Variants in TIMELESS observed in about 807,000 individuals in gnomAD.
The protein encoded by TIMELESS is protein timeless homolog.
Under a neutral mutation model 164.3 loss-of-function variants are expected in TIMELESS, and 124 were observed. The observed-to-expected ratio is 0.75, with a 90% CI of 0.65 to 0.88. The LOEUF (loss-of-function observed/expected upper bound fraction) is 0.88, where lower values mean the gene tolerates loss of function less well. Ranked by LOEUF, TIMELESS falls within the 40% of genes least tolerant of loss-of-function variation. The pLI, the probability that TIMELESS is intolerant of heterozygous loss-of-function variation, is 0.00. For synonymous variants in TIMELESS, 564 were observed against 563.4 expected, an observed-to-expected ratio of 1.00 and a Z score of -0.02; for missense variants, 1,422 against 1,491.4, an observed-to-expected ratio of 0.95 and a Z score of 0.77.
At position 56,424,770 on chromosome 12, in the gene TIMELESS, C is replaced by T. The variant is rs1006443730; in HGVS notation, c.1860G>A (p.Arg620=). ...GCAGGCAGGGTTCTTACCGAGCAGA[C>T]CTCAGGAGAGTCAGGGCCTGTGGGG... The part of the protein sequence containing the change: ...GQAPQALTLL[R]SAREVWPEGD... Residue 620 remains arginine (R), a synonymous_variant, in exon 15 of 29, where the codon AGG becomes AGA. Transcript: ENST00000553532. The T allele has an allele frequency of 2.5e-6, 4 of 1,613,954 alleles. No individual in the cohort carries two copies. The Admixed American group carries it at 5.0e-5, about 20-fold the overall frequency.
At chr12:56,421,632 G>A in intron 22 of TIMELESS, 95 bp downstream of exon 22, 1 of 1,532,814 alleles carries the variant, frequency 6.5e-7, no homozygotes, top group Non-Finnish European at 9.0e-7. Context: ...CAGAAGGGAT[G>A]GGAGAATCTT....
intron 13 of TIMELESS, among the ~76,000 whole-genome samples, chr12:56,426,349 A>G (rs1447975446): frequency 6.6e-6 from 1 of 151,830 alleles, no homozygotes; most frequent in African/African-American, 2.4e-5. Context: ...TTTAAGCTGT[A>G]GCAACTAGAG....
chr12:56,429,175 G>A (rs1160542373), intron 10 of TIMELESS, 75 bp from the exon 11 acceptor site: 13 of 1,315,442 alleles, frequency 9.9e-6, no homozygotes, highest in South Asian at 1.4e-5. Flanking sequence ...GTCCTATGAT[G>A]ATGGAATGGA....
rs1214937405 is a variant in TIMELESS, at chr12:56,422,184, TG to T, written c.2445del (p.Ser816ValfsTer38). 5.0e-6 allele frequency: 8 copies of T among 1,613,906 alleles called. No homozygotes were observed. The highest frequency in any genetic ancestry group is 8.5e-7 in the Non-Finnish European group (1 of 1,180,024). On this transcript the variant is annotated frameshift_variant, in exon 20 of 29. Coordinates refer to ENST00000553532, the MANE Select transcript of TIMELESS (RefSeq NM_003920.5). LOFTEE classifies it high-confidence loss of function. ...EGYGSLDDRSSSRRAPTWSPE... is the reference protein window; with the variant it reads ...EGYGSLDDRSXSRRAPTWSPE... ...GGGCTCCATGTAGGTGCTCTGCGAC[TG>T]GAAGACCTGAATGGTGAAAGGAGAA... is the stretch of plus-strand genomic sequence containing the variant.
intron 1 of TIMELESS, among the ~76,000 whole-genome samples, chr12:56,447,068 G>C (rs1208016991): frequency 6.7e-6 from 1 of 149,476 alleles, no homozygotes; most frequent in African/African-American, 2.5e-5. Flanking sequence ...GGAATGCAAT[G>C]GTGCAATCTC....
chr12:56,435,813 G>A (rs1882051045), intron 1 of TIMELESS, among the ~76,000 whole-genome samples: 1 of 152,034 alleles, frequency 6.6e-6, no homozygotes, highest in Non-Finnish European at 1.5e-5. Flanking sequence ...CAAAAAATTA[G>A]CCAGGCGCGA....
chr12:56,434,109 T>A lies in TIMELESS; in HGVS notation c.62A>T (p.Glu21Val). Residue 21 changes from glutamate to valine, a missense_variant, in exon 2 of 29, where the codon GAG (glutamate) becomes GTG (valine). Coordinates refer to ENST00000553532, the MANE Select transcript of TIMELESS (RefSeq NM_003920.5). ...TGGTTCCTTATGGTAAGTGTCTCCC[T>A]CCAAGTACCCAAGGGCACTACATGT... is the stretch of plus-strand genomic sequence containing the variant. ...LATCSALGYL[E>V]GDTYHKEPDC... 6.2e-7 allele frequency: 1 copy of A among 1,614,182 alleles called. No homozygotes were observed. Among genetic ancestry groups the A allele is most frequent in the South Asian group, 1.1e-5 (1 of 91,078 alleles).
At chr12:56,446,273 A>G (rs1300250472) in intron 1 of TIMELESS, among the ~76,000 whole-genome samples, 2 of 152,218 alleles carry the variant, frequency 1.3e-5, no homozygotes, top group African/African-American at 4.8e-5. Context: ...GAACACTTCA[A>G]TGGATACATA....
rs2136129614 is a variant in TIMELESS at position 56,418,255 on chromosome 12, C to T, written c.3333G>A (p.Leu1111=). The T allele has an allele frequency of 6.2e-7, 1 of 1,614,208 alleles. No homozygotes were observed. Among genetic ancestry groups the T allele is most frequent in the Non-Finnish European group, 8.5e-7 (1 of 1,180,036 alleles). The change falls in exon 27 of 29, where the codon CTG becomes CTA. Residue 1111 remains leucine, a synonymous_variant. Transcript: ENST00000553532. ...CTTGCTCTCCAGGGACTTTAGGCTG[C>T]AGCTCTGGCTGCAGCTTCTGTTCCT... The part of the protein sequence containing the change: ...PEEEQKLQPE[L]QPKVPGEQGS...
At chr12:56,440,038 T>C (rs1278302227) in intron 1 of TIMELESS, among the ~76,000 whole-genome samples, 3 of 151,552 alleles carry the variant, frequency 2.0e-5, no homozygotes, top group Admixed American at 6.6e-5. Context: ...GATGAAGCAA[T>C]ATGCATCTGA....
At chr12:56,420,496 T>G in intron 26 of TIMELESS, 73 bp downstream of exon 26, 1 of 1,172,850 alleles carries the variant, frequency 8.5e-7, no homozygotes. Flanking sequence ...ACCATGACAG[T>G]GAGGAGGAGG....
intron 10 of TIMELESS, among the ~76,000 whole-genome samples, 195 bp downstream of exon 10, chr12:56,429,910 A>G (rs1881815362): frequency 6.6e-6 from 1 of 151,678 alleles, no homozygotes; most frequent in Admixed American, 6.6e-5. Context: ...CTCTTTTGTC[A>G]TGCCAGGAGC....
At chr12:56,439,117 A>G (rs1024203813) in intron 1 of TIMELESS, among the ~76,000 whole-genome samples, 12 of 138,610 alleles carry the variant, frequency 8.7e-5, no homozygotes, top group African/African-American at 2.6e-4. Context: ...AGTGAGCCCA[A>G]ATCGTGCCAC....
At position 56,420,683 on chromosome 12, in the gene TIMELESS, G is replaced by A. The variant is rs1413220720; in HGVS notation, c.3114C>T (p.Cys1038=). The A allele has an allele frequency of 2.5e-6, 4 of 1,614,070 alleles. No individual in the cohort carries two copies. The highest frequency in any genetic ancestry group is 3.4e-6 in the Non-Finnish European group (4 of 1,180,034). ...GTGGCACCAATGGAACGGCCTGGGA[G>A]CAGCCTAAGACAGGGTCAATAGTCA... The part of the protein sequence containing the change: ...RAADDREEDG[C]SQAVPLVPLT... The change falls in exon 26 of 29, where the codon TGC becomes TGT. Residue 1038 remains cysteine, a synonymous_variant. Transcript: ENST00000553532.
rs756811743 is a variant in TIMELESS at position 56,433,909 on chromosome 12, T to A, written c.115A>T (p.Ile39Phe). 6.8e-6 allele frequency: 11 copies of A among 1,614,074 alleles called. No homozygotes were observed. The South Asian group carries it at 1.2e-4, about 18-fold the overall frequency. ...TCATCCTCATGCCTCAAATAGCGGA[T>A]CAGATCCTTCACGCTCTCTTCAGAG... ...PDCLESVKDL[I>F]RYLRHEDETR... The change falls in exon 3 of 29, where the codon ATC becomes TTC. Residue 39 changes from isoleucine (I) to phenylalanine (F), a missense_variant. Physicochemically the swap from Ile to Phe is conservative, Grantham distance 21. Coordinates refer to ENST00000553532, the MANE Select transcript of TIMELESS (RefSeq NM_003920.5).
intron 7 of TIMELESS, 31 bp downstream of exon 7, chr12:56,432,338 A>C: frequency 6.3e-7 from 1 of 1,595,732 alleles, no homozygotes; most frequent in African/African-American, 1.3e-5. Flanking sequence ...ACATGGGCGG[A>C]GGGGACTCGG....
chr12:56,428,334 G>A lies in TIMELESS; in HGVS notation c.1480C>T (p.Gln494Ter). ...AGGTCACGAAGGAAAGAGCGGGGCT[G>A]GCATCTCTCATCAAACTTTCGAAAA... ...ALFRKFDERCQPRSFLRDLVE... is the reference protein window; with the variant it reads ...ALFRKFDERC Residue 494 changes from glutamine to a stop codon, truncating the protein, a stop_gained, in exon 13 of 29, where the codon CAG (glutamine) becomes TAG (stop). Coordinates refer to ENST00000553532, the MANE Select transcript of TIMELESS (RefSeq NM_003920.5). LOFTEE classifies it high-confidence loss of function. 6.2e-7 allele frequency: 1 copy of A among 1,613,586 alleles called. No individual in the cohort carries two copies. The highest frequency in any genetic ancestry group is 8.5e-7 in the Non-Finnish European group (1 of 1,179,630).
At chr12:56,424,101 C>T (rs928537366) in intron 15 of TIMELESS, among the ~76,000 whole-genome samples, 1 of 152,092 alleles carries the variant, frequency 6.6e-6, no homozygotes, top group African/African-American at 2.4e-5. Context: ...AAAATGCAAA[C>T]AATCTAAATG....
At chr12:56,440,381 C>A (rs1868257223) in intron 1 of TIMELESS, among the ~76,000 whole-genome samples, 1 of 152,130 alleles carries the variant, frequency 6.6e-6, no homozygotes. Context: ...TCATGATCTG[C>A]CCACCTGGGC....
Sources: gnomAD v4.1 joint callset for allele counts (sites outside exome capture counted in the v4.1 genomes callset) on GRCh38, gnomAD v4.1.1 for gene constraint, MANE v1.5 for transcripts, NCBI Gene and HGNC (gene_info 2026-07-23, HGNC 2026-07-21) for gene names.